RNF2: variants seen among roughly 807,000 people sequenced by gnomAD.
RNF2 encodes the protein E3 ubiquitin-protein ligase RING2.
Under a neutral mutation model 37.2 loss-of-function variants are expected in RNF2, and 6 were observed. That is an observed-to-expected ratio of 0.16 (90% CI 0.09 to 0.32). The LOEUF (loss-of-function observed/expected upper bound fraction) is 0.32, where lower values mean the gene tolerates loss of function less well. Among genes scored for constraint, RNF2 ranks in the 10% least tolerant of loss-of-function variants. The pLI is 1.00. For synonymous variants in RNF2, 133 were observed against 132.7 expected, an observed-to-expected ratio of 1.00 and a Z score of -0.02; for missense variants, 251 against 404.0, an observed-to-expected ratio of 0.62 and a Z score of 3.25.
chr1:185,067,413 C>T (rs1250698328), intron 1 of RNF2, among the ~76,000 whole-genome samples: 1 of 152,064 alleles, frequency 6.6e-6, no homozygotes, highest in Non-Finnish European at 1.5e-5. Flanking sequence ...ACACCTGTAT[C>T]CTGTAAGCAA....
intron 1 of RNF2, among the ~76,000 whole-genome samples, chr1:185,083,610 T>C (rs979468708): frequency 6.6e-6 from 1 of 151,910 alleles, no homozygotes; most frequent in African/African-American, 2.4e-5. Context: ...GCCAACCCTA[T>C]TTTTCTTACT....
intron 1 of RNF2, among the ~76,000 whole-genome samples, chr1:185,062,776 C>A (rs948916744): frequency 2.0e-5 from 3 of 150,972 alleles, no homozygotes; most frequent in Non-Finnish European, 4.4e-5. Context: ...AAAAAAAAAA[C>A]CTGACAGAAA....
intron 1 of RNF2, among the ~76,000 whole-genome samples, chr1:185,054,830 T>A (rs1388563476): frequency 3.3e-5 from 5 of 152,220 alleles, no homozygotes; most frequent in African/African-American, 1.2e-4. Flanking sequence ...CCTGAGTAGC[T>A]GGGACCACAG....
chr1:185,099,578 C>T (rs1259644869), intron 5 of RNF2, among the ~76,000 whole-genome samples: 4 of 152,018 alleles, frequency 2.6e-5, no homozygotes, highest in Non-Finnish European at 4.4e-5. Context: ...TGTGACCTGA[C>T]AGTAAGATAT....
At chr1:185,060,517 G>A (rs1003713853) in intron 1 of RNF2, among the ~76,000 whole-genome samples, 1 of 152,122 alleles carries the variant, frequency 6.6e-6, no homozygotes, top group African/African-American at 2.4e-5. Flanking sequence ...GACATTCTTT[G>A]TTTCTCTTGG....
intron 1 of RNF2, among the ~76,000 whole-genome samples, chr1:185,049,463 TTA>T (rs1650211776): frequency 6.6e-6 from 1 of 152,056 alleles, no homozygotes; most frequent in Admixed American, 6.6e-5. Context: ...AGAAGCAAAT[TTA>T]GAGGGTTTCA....
At chr1:185,089,365 ACAT>A (rs960944309) in intron 2 of RNF2, among the ~76,000 whole-genome samples, 3 of 152,184 alleles carry the variant, frequency 2.0e-5, no homozygotes, top group African/African-American at 7.2e-5. Context: ...TTATATGCAA[ACAT>A]CATGCCATTT....
intron 1 of RNF2, among the ~76,000 whole-genome samples, chr1:185,075,390 T>C (rs1651117115): frequency 6.6e-6 from 1 of 152,234 alleles, no homozygotes; most frequent in Non-Finnish European, 1.5e-5. Flanking sequence ...TGCGAAATAC[T>C]GTAATTATGC....
intron 1 of RNF2, among the ~76,000 whole-genome samples, chr1:185,081,319 T>C (rs1651342199): frequency 1.3e-5 from 2 of 152,068 alleles, no homozygotes; most frequent in Non-Finnish European, 2.9e-5. Flanking sequence ...TCAAGATGCT[T>C]GAAGAAGTGG....
intron 1 of RNF2, among the ~76,000 whole-genome samples, chr1:185,053,051 G>A (rs990885726): frequency 2.6e-5 from 4 of 152,134 alleles, no homozygotes; most frequent in African/African-American, 9.7e-5. Flanking sequence ...TTTAAATGAG[G>A]TCTCCAAGAC....
intron 4 of RNF2, 132 bp from the exon 5 acceptor site, chr1:185,097,940 C>A: frequency 1.1e-6 from 1 of 903,610 alleles, no homozygotes; most frequent in Non-Finnish European, 1.6e-6. Context: ...GAAACAATAT[C>A]ATCCAACTCA....
intron 1 of RNF2, among the ~76,000 whole-genome samples, chr1:185,081,897 A>C (rs1651422297): frequency 1.3e-5 from 2 of 152,306 alleles, no homozygotes; most frequent in Non-Finnish European, 2.9e-5. Context: ...TGGATCAGAA[A>C]GCTGTAGCGG....
intron 1 of RNF2, among the ~76,000 whole-genome samples, chr1:185,071,115 T>G (rs1016959720): frequency 7.9e-5 from 12 of 152,182 alleles, no homozygotes; most frequent in Admixed American, 4.6e-4. Flanking sequence ...GGCAAATGGT[T>G]ACATTCTTAT....
At chr1:185,062,768 A>C (rs1650648993) in intron 1 of RNF2, among the ~76,000 whole-genome samples, 1 of 152,118 alleles carries the variant, frequency 6.6e-6, no homozygotes, top group African/African-American at 2.4e-5. Flanking sequence ...GTTAACTTAA[A>C]AAAAAAACCT....
chr1:185,089,094 C>T (rs994920982), intron 2 of RNF2, among the ~76,000 whole-genome samples: 2 of 152,058 alleles, frequency 1.3e-5, no homozygotes, highest in African/African-American at 4.8e-5. Context: ...GAAACTGCAC[C>T]ACCTCAGATC....
chr1:185,051,851 T>G (rs1033960899), intron 1 of RNF2, among the ~76,000 whole-genome samples: 3 of 149,400 alleles, frequency 2.0e-5, no homozygotes. Flanking sequence ...ATATACATAT[T>G]ATATATACAT....
chr1:185,052,505 T>C (rs1464435110), intron 1 of RNF2, among the ~76,000 whole-genome samples: 1 of 152,200 alleles, frequency 6.6e-6, no homozygotes, highest in Non-Finnish European at 1.5e-5. Flanking sequence ...CTGTGAAATA[T>C]CCAGAATAGA....
intron 1 of RNF2, among the ~76,000 whole-genome samples, chr1:185,070,858 G>A (rs560913680): frequency 7.9e-5 from 12 of 152,008 alleles, no homozygotes; most frequent in African/African-American, 2.9e-4. Context: ...GGATGGTCTC[G>A]ATTTCCTGAC....
At chr1:185,066,977 A>G (rs1297797743) in intron 1 of RNF2, among the ~76,000 whole-genome samples, 1 of 152,246 alleles carries the variant, frequency 6.6e-6, no homozygotes, top group Non-Finnish European at 1.5e-5. Context: ...TCCTTGTAAG[A>G]CAACTTAGTT....
Sources: allele counts gnomAD v4.1 joint callset (sites outside exome capture counted in the v4.1 genomes callset), GRCh38; gene constraint gnomAD v4.1.1; transcripts MANE v1.5; gene names NCBI Gene and HGNC (gene_info 2026-07-23, HGNC 2026-07-21).